MAP2K7: variants seen among roughly 807,000 people sequenced by gnomAD.
MAP2K7 encodes the protein mitogen-activated protein kinase kinase 7.
In MAP2K7, 12 loss-of-function variants were observed where a neutral mutation model predicts 47.7. The ratio of observed to expected loss-of-function variants is 0.25; its 90% CI spans 0.16 to 0.41. The LOEUF (loss-of-function observed/expected upper bound fraction) is 0.41. Ranked by LOEUF, MAP2K7 falls within the 10% of genes least tolerant of loss-of-function variation. The pLI is 1.00. For missense variants in MAP2K7, 415 were observed against 600.3 expected, an observed-to-expected ratio of 0.69 and a Z score of 3.23; for synonymous variants, 299 against 243.0, an observed-to-expected ratio of 1.23 and a Z score of -2.14.
Position 7,912,736 on chromosome 19 carries a change from G to A in MAP2K7, c.*305G>A, listed in dbSNP as rs1264804160. The A allele has an allele frequency of 6.9e-6, 3 of 437,608 alleles. No individual in the cohort carries two copies. Among genetic ancestry groups the A allele is most frequent in the Non-Finnish European group, 4.2e-6 (1 of 240,424 alleles). The allele number at this position is 437,608 out of a possible 1,614,324, so 27.1% of individuals were successfully genotyped here. A position where few individuals can be genotyped will look rare whatever the true frequency, so the allele number is the denominator to read the frequency against. ...AGCCTCTGGGCCGGGGCGGCCCCCA[G>A]GGGCCAGGAGAGAGCCCTGGAGTCC... On this transcript the variant is annotated 3_prime_UTR_variant, in exon 11 of 11. Coordinates refer to ENST00000397979, the MANE Select transcript of MAP2K7 (RefSeq NM_145185.4).
intron 1 of MAP2K7, among the ~76,000 whole-genome samples, chr19:7,907,230 CTG>C (rs1221046189): frequency 6.6e-6 from 1 of 152,092 alleles, no homozygotes. Flanking sequence ...CAGCGCCAGC[CTG>C]TGTGGGGCAT....
intron 1 of MAP2K7, among the ~76,000 whole-genome samples, chr19:7,908,224 C>A (rs554171430): frequency 6.6e-6 from 1 of 151,612 alleles, no homozygotes; most frequent in African/African-American, 2.4e-5. Context: ...GTGGCCAGGA[C>A]AGCGGGAGGG....
intron 3 of MAP2K7, 54 bp downstream of exon 3, chr19:7,910,183 A>G: frequency 6.3e-7 from 1 of 1,596,294 alleles, no homozygotes; most frequent in Non-Finnish European, 8.5e-7. Context: ...GGCTGGACCC[A>G]TCCTGGGAGC....
rs751423876 is a variant in MAP2K7 at position 7,912,214 on chromosome 19, C to T, written c.1125+20C>T. ...CTACTTGTGAGTACCTGAGCCCTCCCAGTCCCCGTCCTGTCCCTGCGGAGG... is the reference window on the plus strand; with the variant it reads ...CTACTTGTGAGTACCTGAGCCCTCCTAGTCCCCGTCCTGTCCCTGCGGAGG... On this transcript the variant is annotated intron_variant, in intron 10 of 10. Coordinates refer to ENST00000397979, the MANE Select transcript of MAP2K7 (RefSeq NM_145185.4). The T allele has an allele frequency of 1.9e-6, 3 of 1,613,746 alleles. No homozygotes were observed. Among genetic ancestry groups the T allele is most frequent in the South Asian group, 2.2e-5 (2 of 91,090 alleles).
intron 1 of MAP2K7, among the ~76,000 whole-genome samples, chr19:7,909,537 C>T (rs1568276850): frequency 6.6e-6 from 1 of 152,192 alleles, no homozygotes; most frequent in Admixed American, 6.5e-5. Context: ...CATCTCTTTC[C>T]AGGTCAGGGG....
chr19:7,912,093 G>C, intron 9 of MAP2K7, 56 bp from the exon 10 acceptor site: 1 of 1,552,512 alleles, frequency 6.4e-7, no homozygotes, highest in East Asian at 2.2e-5. Context: ...ACAGGGGTGG[G>C]GCCGGCATCC....
rs753677310 is a variant in MAP2K7 at position 7,911,219 on chromosome 19, G to A, written c.856-31G>A. The A allele has an allele frequency of 1.9e-6, 3 of 1,609,628 alleles. 1 individual carries two copies. The highest frequency in any genetic ancestry group is 2.2e-5 in the South Asian group (2 of 90,960). The stretch of plus-strand genomic sequence containing the variant: ...GGGCTGGGAGGCCGGCCCCAGCCTT[G>A]GAGATACGTCTTCTCCTCCCCCCCC... On this transcript the variant is annotated intron_variant, in intron 7 of 10. Transcript: ENST00000397979.
At chr19:7,912,231 C>G in intron 10 of MAP2K7, 37 bp downstream of exon 10, 1 of 1,613,668 alleles carries the variant, frequency 6.2e-7, no homozygotes, top group Non-Finnish European at 8.5e-7. Context: ...CGTCCTGTCC[C>G]TGCGGAGGCG....
Position 7,912,637 on chromosome 19 carries a change from C to T in MAP2K7, c.*206C>T, listed in dbSNP as rs868401298. ...CCTTCCCACCCCGGGGTCAGCCGGCCGTGTGCGTCCCCCGACAGACACTGT... is the reference window on the plus strand; with the variant it reads ...CCTTCCCACCCCGGGGTCAGCCGGCTGTGTGCGTCCCCCGACAGACACTGT... On this transcript the variant is annotated 3_prime_UTR_variant, in exon 11 of 11. Transcript: ENST00000397979. 4.3e-4 allele frequency: 265 copies of T among 610,946 alleles called. No individual in the cohort carries two copies. Among genetic ancestry groups the T allele is most frequent in the Middle Eastern group, 3.1e-3 (7 of 2,272 alleles). 37.8% of individuals were successfully genotyped at this position (610,946 alleles called of 1,614,324 possible). A position where few individuals can be genotyped will look rare whatever the true frequency, so the allele number is the denominator to read the frequency against.
At position 7,914,362 on chromosome 19, in the gene MAP2K7, C is replaced by T. The variant is rs1351041381; in HGVS notation, c.*1931C>T. ...GGCCTGAGGGTGGCTCGGGCCAGCCCACCAGCCAATGGACCCCTCCTCAGG... is the reference window on the plus strand; with the variant it reads ...GGCCTGAGGGTGGCTCGGGCCAGCCTACCAGCCAATGGACCCCTCCTCAGG... On this transcript the variant is annotated 3_prime_UTR_variant, in exon 11 of 11. Transcript: ENST00000397979. The T allele has an allele frequency of 1.3e-5, 2 of 152,388 alleles. No individual in the cohort carries two copies. The highest frequency in any genetic ancestry group is 2.9e-5 in the Non-Finnish European group (2 of 68,080). The allele number at this position is 152,388 out of a possible 1,614,324, so 9.4% of individuals were successfully genotyped here.
intron 1 of MAP2K7, among the ~76,000 whole-genome samples, chr19:7,907,367 C>G (rs995763203): frequency 6.6e-6 from 1 of 152,204 alleles, no homozygotes; most frequent in Non-Finnish European, 1.5e-5. Context: ...GGTGTTAGGT[C>G]CACGGCATGC....
In MAP2K7 at chr19:7,910,075, C is replaced by G; in HGVS notation, c.279C>G (p.Asp93Glu). The change falls in exon 3 of 11, where the codon GAC becomes GAG. Residue 93 changes from aspartate to glutamate, a missense_variant. By Grantham distance (45) the Asp-to-Glu change is conservative. Coordinates refer to ENST00000397979, the MANE Select transcript of MAP2K7 (RefSeq NM_145185.4). ...TCCATGTCCCCAGCATTGAGATTGA[C>G]CAGAAGCTGCAGGAGATCATGAAGC... is the stretch of plus-strand genomic sequence containing the variant. ...TPRSMESIEI[D>E]QKLQEIMKQT... 1 of 1,605,404 alleles carries G rather than the reference C, an allele frequency of 6.2e-7. No individual in the cohort carries two copies. Among genetic ancestry groups the G allele is most frequent in the Non-Finnish European group, 8.5e-7 (1 of 1,176,798 alleles).
At position 7,913,916 on chromosome 19, in the gene MAP2K7, T is replaced by G. The variant is rs768426156; in HGVS notation, c.*1485T>G. On this transcript the variant is annotated 3_prime_UTR_variant, in exon 11 of 11. Coordinates refer to ENST00000397979, the MANE Select transcript of MAP2K7 (RefSeq NM_145185.4). The stretch of plus-strand genomic sequence containing the variant: ...TTGACTCTTGTTATTATCATGATAT[T>G]CACAAAACGCCGCATGTTTAAAAAG... The G allele has an allele frequency of 6.6e-6, 1 of 152,440 alleles. No homozygotes were observed. Among genetic ancestry groups the G allele is most frequent in the South Asian group, 2.1e-4 (1 of 4,832 alleles). 9.4% of individuals were successfully genotyped at this position (152,440 alleles called of 1,614,324 possible).
chr19:7,904,758 C>G (rs1321420819), intron 1 of MAP2K7, among the ~76,000 whole-genome samples: 2 of 152,124 alleles, frequency 1.3e-5, no homozygotes, highest in Admixed American at 6.5e-5. Flanking sequence ...CTGCCACCAT[C>G]TTGGTGAGCG....
rs1982404996 is a variant in MAP2K7 at position 7,905,751 on chromosome 19, G to A, written c.124+1683G>A. 11 of 1,404,718 alleles carry A rather than the reference G, an allele frequency of 7.8e-6. No individual in the cohort carries two copies. The Admixed American group carries it at 1.3e-4, about 17-fold the overall frequency. The allele number at this position is 1,404,718 out of a possible 1,614,324, so 87.0% of individuals were successfully genotyped here. ...GATTTCTTTTCTTTTGGACGAATCA[G>A]TCGTTTCTGTTGTGATTTATCGTGG... On this transcript the variant is annotated intron_variant, in intron 1 of 10. Transcript: ENST00000397979.
chr19:7,907,804 C>G (rs1240318559), intron 1 of MAP2K7, among the ~76,000 whole-genome samples: 1 of 152,056 alleles, frequency 6.6e-6, no homozygotes, highest in African/African-American at 2.4e-5. Flanking sequence ...CTCGGATACT[C>G]TCTGAGGGCG....
chr19:7,912,046 T>G, intron 9 of MAP2K7, 103 bp from the exon 10 acceptor site: 1 of 1,072,916 alleles, frequency 9.3e-7, no homozygotes, highest in Non-Finnish European at 1.4e-6. Context: ...CCCACACACA[T>G]CTTGGGGACC....
In MAP2K7 at chr19:7,911,529, C is replaced by T. The variant is rs1302574218; in HGVS notation, c.1030C>T (p.Pro344Ser). Residue 344 changes from proline to serine, a missense_variant, in exon 9 of 11, where the codon CCC (proline) becomes TCC (serine). Around this residue, in one of 3 missense-constraint regions of MAP2K7, gnomAD observed 94 missense variants for 105.2 expected, o/e 0.89. Coordinates refer to ENST00000397979, the MANE Select transcript of MAP2K7 (RefSeq NM_145185.4). ...CCTACAGGAAGAGCCCCCGCTTCTG[C>T]CCGGACACATGGGCTTCTCGGGGGA... Reference protein sequence around the residue: ...KVLQEEPPLLPGHMGFSGDFQ... With the variant: ...KVLQEEPPLLSGHMGFSGDFQ... 6.2e-7 allele frequency: 1 copy of T among 1,611,158 alleles called. No individual in the cohort carries two copies. The highest frequency in any genetic ancestry group is 1.1e-5 in the South Asian group (1 of 90,844).
chr19:7,905,984 A>T, intron 1 of MAP2K7: 1 of 811,068 alleles, frequency 1.2e-6, no homozygotes, highest in Non-Finnish European at 2.1e-6. Context: ...CCTCACTCTC[A>T]CTTTCTCTCT....
Sources: allele counts gnomAD v4.1 joint callset (sites outside exome capture counted in the v4.1 genomes callset), GRCh38; gene constraint gnomAD v4.1.1; regional missense constraint gnomAD v4.1.1; transcripts MANE v1.5; gene names NCBI Gene and HGNC (gene_info 2026-07-23, HGNC 2026-07-21).